CARF: variants seen among roughly 807,000 people sequenced by gnomAD.
CARF encodes the protein calcium responsive transcription factor, also known as calcium-responsive transcription factor.
CARF carries 57 observed loss-of-function variants against 82.0 expected under a neutral mutation model. The ratio of observed to expected loss-of-function variants is 0.70; its 90% CI spans 0.56 to 0.87. The LOEUF is 0.87. Ranked by LOEUF, CARF falls within the 40% of genes least tolerant of loss-of-function variation. The pLI is 0.00. For synonymous variants in CARF, 268 were observed against 290.1 expected (o/e 0.92, Z 0.77); for missense variants, 771 against 855.8 (o/e 0.90, Z 1.24).
chr2:202,922,504 G>T (rs993240639), intron 2 of CARF, among the ~76,000 whole-genome samples: 1 of 152,152 alleles, frequency 6.6e-6, no homozygotes, highest in African/African-American at 2.4e-5. Flanking sequence ...ACAAGAGAAA[G>T]AAATAAAGAG....
intron 7 of CARF, among the ~76,000 whole-genome samples, chr2:202,955,357 T>C (rs1194507887): frequency 6.6e-6 from 1 of 152,186 alleles, no homozygotes; most frequent in Non-Finnish European, 1.5e-5. Flanking sequence ...AAATTTATCA[T>C]TTTTTTGATA....
intron 1 of CARF, among the ~76,000 whole-genome samples, chr2:202,914,794 A>G (rs1689297901): frequency 6.7e-6 from 1 of 150,308 alleles, no homozygotes; most frequent in African/African-American, 2.4e-5. Context: ...AAAAAAAACA[A>G]ACAAAAAATC....
At chr2:202,933,630 G>A (rs544734611) in intron 3 of CARF, among the ~76,000 whole-genome samples, 3 of 150,448 alleles carry the variant, frequency 2.0e-5, no homozygotes, top group South Asian at 2.1e-4. Context: ...TGGCCATCCC[G>A]AGTTTCTGTG....
chr2:202,967,297 A>G (rs919902728), intron 10 of CARF, among the ~76,000 whole-genome samples, 199 bp downstream of exon 10: 8 of 152,202 alleles, frequency 5.3e-5, no homozygotes, highest in African/African-American at 1.7e-4. Context: ...TTCTGTGTAT[A>G]TGGATGCATA....
intron 5 of CARF, among the ~76,000 whole-genome samples, 169 bp downstream of exon 5, chr2:202,943,136 A>G (rs1309553541): frequency 6.6e-6 from 1 of 152,202 alleles, no homozygotes; most frequent in African/African-American, 2.4e-5. Context: ...CAATGGCACA[A>G]TCTTGGTTCA....
intron 7 of CARF, among the ~76,000 whole-genome samples, chr2:202,954,867 AG>A (rs2058959926): frequency 6.6e-6 from 1 of 151,504 alleles, no homozygotes; most frequent in Non-Finnish European, 1.5e-5. Flanking sequence ...AAAAAAAATT[AG>A]CCGGGCGTGG....
At chr2:202,914,998 T>C (rs1186467712) in intron 1 of CARF, among the ~76,000 whole-genome samples, 2 of 151,770 alleles carry the variant, frequency 1.3e-5, no homozygotes, top group African/African-American at 2.4e-5. Context: ...TTGGTGGTGG[T>C]GGTGGTGTTT....
Position 202,943,025 on chromosome 2 carries a change from A to G in CARF, c.306+58A>G, listed in dbSNP as rs553785258. 1.8e-5 allele frequency: 23 copies of G among 1,271,528 alleles called. No homozygotes were observed. In the South Asian group the frequency reaches 2.9e-4, roughly 16 times the overall value. 78.8% of individuals were successfully genotyped at this position (1,271,528 alleles called of 1,614,324 possible). The stretch of plus-strand genomic sequence containing the variant: ...CCGTTTAGCAAAATGTATTAGTCTT[A>G]CTAAATGACCTTAATTTCTTGACAC... On this transcript the variant is annotated intron_variant, in intron 5 of 16. Coordinates refer to ENST00000438828, the MANE Select transcript of CARF (RefSeq NM_024744.17).
chr2:202,969,077 G>T (rs1452708435), intron 10 of CARF, among the ~76,000 whole-genome samples: 1 of 152,150 alleles, frequency 6.6e-6, no homozygotes, highest in African/African-American at 2.4e-5. Context: ...ATCACTTGAG[G>T]TGAGGAGTTT....
At position 202,977,341 on chromosome 2, in the gene CARF, T is replaced by C. The variant is rs774400627; in HGVS notation, c.1558+9T>C. The C allele has an allele frequency of 2.5e-6, 4 of 1,590,360 alleles. No individual in the cohort carries two copies. The South Asian group carries it at 4.4e-5, about 18-fold the overall frequency. On this transcript the variant is annotated intron_variant, in intron 14 of 16. Coordinates refer to ENST00000438828, the MANE Select transcript of CARF (RefSeq NM_024744.17). ...AGTTACATTTGCAGAAGGTAGGTTT[T>C]CTTGAATACCTTTAAAATATAAATT...
intron 3 of CARF, among the ~76,000 whole-genome samples, chr2:202,933,086 ACT>A (rs2105766432): frequency 6.6e-6 from 1 of 152,244 alleles, no homozygotes; most frequent in East Asian, 1.9e-4. Flanking sequence ...CAGCTAAGGT[ACT>A]GTTTCCCTAG....
intron 3 of CARF, among the ~76,000 whole-genome samples, chr2:202,936,758 C>G (rs1046483910): frequency 1.3e-5 from 2 of 152,154 alleles, no homozygotes; most frequent in Admixed American, 1.3e-4. Context: ...TATGGGTTGT[C>G]TTTTAACTCT....
At position 202,981,634 on chromosome 2, in the gene CARF, C is replaced by T; in HGVS notation, c.1638C>T (p.His546=). The T allele has an allele frequency of 6.2e-7, 1 of 1,612,168 alleles. No homozygotes were observed. The highest frequency in any genetic ancestry group is 1.1e-5 in the South Asian group (1 of 90,746). ...TRGSLSPEPT[H]LLSSLSSFQP... ...GTTCTTTGTCTCCTGAGCCAACCCA[C>T]TTGCTCTCCTCACTCTCCTCATTTC... The change falls in exon 15 of 17, where the codon CAC becomes CAT. Residue 546 remains histidine (H), a synonymous_variant. Coordinates refer to ENST00000438828, the MANE Select transcript of CARF (RefSeq NM_024744.17).
At position 202,986,743 on chromosome 2, in the gene CARF, C is replaced by T. The variant is rs1376311661; in HGVS notation, c.*3119C>T. On this transcript the variant is annotated 3_prime_UTR_variant, in exon 17 of 17. Transcript: ENST00000438828. ...TGCATTAGAGTTTCTAATTCTGAGACCCACCAGCTTGTGTTTCATCTTCTT... is the reference window on the plus strand; with the variant it reads ...TGCATTAGAGTTTCTAATTCTGAGATCCACCAGCTTGTGTTTCATCTTCTT... 6.6e-6 allele frequency: 1 copy of T among 150,800 alleles called. No individual in the cohort carries two copies. Among genetic ancestry groups the T allele is most frequent in the African/African-American group, 2.4e-5 (1 of 41,082 alleles). The allele number at this position is 150,800 out of a possible 1,614,324, so 9.3% of individuals were successfully genotyped here. A position where few individuals can be genotyped will look rare whatever the true frequency, so the allele number is the denominator to read the frequency against.
rs1039349627 is a variant in CARF, at chr2:202,918,084, A to G, written c.-163+41A>G. 16 of 443,002 alleles carry G rather than the reference A, an allele frequency of 3.6e-5. No individual in the cohort carries two copies. The East Asian group carries it at 1.1e-3, about 29-fold the overall frequency. 27.4% of individuals were successfully genotyped at this position (443,002 alleles called of 1,614,324 possible). A position where few individuals can be genotyped will look rare whatever the true frequency, so the allele number is the denominator to read the frequency against. On this transcript the variant is annotated intron_variant, in intron 2 of 16. Coordinates refer to ENST00000438828, the MANE Select transcript of CARF (RefSeq NM_024744.17). ...TAATTGAAAGTAACAACTTTATTTTAAAAAGTTAACTATTATCTATTACAT... is the reference window on the plus strand; with the variant it reads ...TAATTGAAAGTAACAACTTTATTTTGAAAAGTTAACTATTATCTATTACAT...
chr2:202,918,674 G>T (rs1403978493), intron 2 of CARF, among the ~76,000 whole-genome samples: 2 of 152,162 alleles, frequency 1.3e-5, no homozygotes, highest in Non-Finnish European at 2.9e-5. Context: ...CAGTTGTCAG[G>T]ATTAAAGAAG....
chr2:202,935,659 C>T (rs1357232253), intron 3 of CARF, among the ~76,000 whole-genome samples: 5 of 151,908 alleles, frequency 3.3e-5, no homozygotes, highest in Non-Finnish European at 5.9e-5. Flanking sequence ...TCCTGGGTTC[C>T]GGTGATCCAC....
intron 9 of CARF, chr2:202,962,611 A>G (rs961931062): frequency 6.6e-6 from 1 of 152,174 alleles, no homozygotes; most frequent in Non-Finnish European, 1.5e-5. Context: ...TTTCATGTGT[A>G]TCGTTCTAGT....
Position 202,982,066 on chromosome 2 carries a change from T to TAA in CARF, c.1690-3_1690-2dup. The stretch of plus-strand genomic sequence containing the variant: ...ACATTTTGATGTACTCTTTTTGGTT[T>TAA]AAAAGGGTTTGCAGTTACAACCAAG... On this transcript the variant is annotated splice_region_variant and splice_polypyrimidine_tract_variant and intron_variant, in intron 15 of 16. Transcript: ENST00000438828. 6.2e-7 allele frequency: 1 copy of TAA among 1,610,550 alleles called. No homozygotes were observed. Among genetic ancestry groups the TAA allele is most frequent in the East Asian group, 2.2e-5 (1 of 44,864 alleles).
Sources: allele counts gnomAD v4.1 joint callset (sites outside exome capture counted in the v4.1 genomes callset), GRCh38; gene constraint gnomAD v4.1.1; transcripts MANE v1.5; gene names NCBI Gene and HGNC (gene_info 2026-07-23, HGNC 2026-07-21).